MAP6: variants seen among roughly 807,000 people sequenced by gnomAD.
MAP6 encodes microtubule associated protein 6, also known as microtubule-associated protein 6.
Under a neutral mutation model 42.4 loss-of-function variants are expected in MAP6, and 26 were observed. That is an observed-to-expected ratio of 0.61 (90% confidence interval 0.45 to 0.85). The LOEUF (loss-of-function observed/expected upper bound fraction) is 0.85. Among genes scored for constraint, MAP6 ranks in the 40% least tolerant of loss-of-function variants. MAP6 has a pLI of 0.00. For missense variants in MAP6, 966 were observed against 1,099.0 expected, an observed-to-expected ratio of 0.88 and a Z score of 1.71; for synonymous variants, 418 against 443.8, an observed-to-expected ratio of 0.94 and a Z score of 0.73.
chr11:75,594,797 T>A (rs1942548340), intron 3 of MAP6: 1 of 152,194 alleles, frequency 6.6e-6, no homozygotes, highest in Admixed American at 6.5e-5. Flanking sequence ...CAGAAGTGAA[T>A]GAGAGCCAAG....
At position 75,667,945 on chromosome 11, in the gene MAP6, T is replaced by C; in HGVS notation, c.425A>G (p.Glu142Gly). ...RPEPSCRPRS[E>G]YQPSDAPFER... The stretch of plus-strand genomic sequence containing the variant: ...GAAGGGAGCGTCGGAGGGCTGGTAT[T>C]CGCTGCGCGGCCGGCAGCTGGGCTC... Residue 142 changes from glutamate (E) to glycine (G), a missense_variant, in exon 1 of 4, where the codon GAA (glutamate) becomes GGA (glycine). By Grantham distance (98) the Glu-to-Gly change is moderately conservative. This residue lies in a region of MAP6 where 943 missense variants were observed against 1,049.9 expected (regional missense o/e 0.90). Transcript: ENST00000304771. The surrounding 1 kb of genome is among the most constrained non-coding windows in gnomAD (Gnocchi z 5.6). The C allele has an allele frequency of 7.4e-7, 1 of 1,350,102 alleles. No individual in the cohort carries two copies. Among genetic ancestry groups the C allele is most frequent in the Non-Finnish European group, 9.6e-7 (1 of 1,044,828 alleles). 83.6% of individuals were successfully genotyped at this position (1,350,102 alleles called of 1,614,324 possible).
Position 75,668,329 on chromosome 11 carries a change from C to G in MAP6, c.41G>C (p.Arg14Pro), listed in dbSNP as rs1944002507. The G allele has an allele frequency of 1.9e-6, 3 of 1,577,962 alleles. No homozygotes were observed. Among genetic ancestry groups the G allele is most frequent in the Non-Finnish European group, 2.6e-6 (3 of 1,169,678 alleles). ...PCITRACCIA[R>P]FWNQLDKADI... Reference sequence around the variant, plus strand: ...CGCTTTGTCCAACTGGTTCCAGAAGCGGGCGATGCAGCAGGCCCTCGTGAT... The same window carrying G: ...CGCTTTGTCCAACTGGTTCCAGAAGGGGGCGATGCAGCAGGCCCTCGTGAT... The change falls in exon 1 of 4, where the codon CGC becomes CCC. Residue 14 changes from arginine (R) to proline (P), a missense_variant. By Grantham distance (103) the Arg-to-Pro change is moderately radical. Transcript: ENST00000304771.
At chr11:75,643,107 A>G (rs1943501022) in intron 1 of MAP6, among the ~76,000 whole-genome samples, 2 of 152,150 alleles carry the variant, frequency 1.3e-5, no homozygotes. Flanking sequence ...GACATAATGT[A>G]GTAATAGGTA....
In MAP6 at chr11:75,639,805, G is replaced by C. The variant is rs367888187; in HGVS notation, c.905+27660C>G. ...GGAGAGAGAGACAGACACACACACA[G>C]AGAGATTACTGTTCAGATTGTCTAA... is the stretch of plus-strand genomic sequence containing the variant. On this transcript the variant is annotated intron_variant, in intron 1 of 3. Coordinates refer to ENST00000304771, the MANE Select transcript of MAP6 (RefSeq NM_033063.2). Among the ~76,000 whole-genome samples, 90 of 152,310 alleles carry C rather than the reference G, an allele frequency of 5.9e-4. 1 individual carries two copies. In the East Asian group the frequency reaches 0.015, roughly 25 times the overall value.
At position 75,587,248 on chromosome 11, in the gene MAP6, A is replaced by G. The variant is rs1349431498; in HGVS notation, c.2253T>C (p.Pro751=). The change falls in exon 4 of 4, where the codon CCT becomes CCC. Residue 751 remains proline, a synonymous_variant. Transcript: ENST00000304771. ...IVPEPLKNQV[P]IVPVPLKDQD... ...GATCCTTCAGAGGCACTGGGACTAT[A>G]GGAACTTGATTCTTCAGAGGTTCAG... The G allele has an allele frequency of 6.2e-7, 1 of 1,613,952 alleles. No homozygotes were observed. The highest frequency in any genetic ancestry group is 1.3e-5 in the African/African-American group (1 of 74,884).
chr11:75,601,295 C>T (rs1942659861), intron 3 of MAP6, among the ~76,000 whole-genome samples: 1 of 152,176 alleles, frequency 6.6e-6, no homozygotes, highest in South Asian at 2.1e-4. Context: ...CTCTACTTCT[C>T]GCCTGTCTTT....
chr11:75,660,592 C>T (rs1007700240), intron 1 of MAP6, among the ~76,000 whole-genome samples: 4 of 152,164 alleles, frequency 2.6e-5, no homozygotes, highest in African/African-American at 9.7e-5. Context: ...TTATAAATCT[C>T]CAATCTCACA....
intron 1 of MAP6, among the ~76,000 whole-genome samples, chr11:75,608,608 G>C (rs1368092395): frequency 6.6e-6 from 1 of 152,152 alleles, no homozygotes; most frequent in Non-Finnish European, 1.5e-5. Flanking sequence ...AATCTTCAGG[G>C]CTCTTTTTCC....
intron 1 of MAP6, among the ~76,000 whole-genome samples, chr11:75,643,872 C>G (rs1382174284): frequency 6.6e-6 from 1 of 152,114 alleles, no homozygotes; most frequent in Non-Finnish European, 1.5e-5. Context: ...GATTAGAACC[C>G]AGGTAGTCCA....
intron 3 of MAP6, 88 bp downstream of exon 3, chr11:75,605,720 G>C (rs1942751137): frequency 1.7e-5 from 26 of 1,560,774 alleles, no homozygotes; most frequent in Non-Finnish European, 2.2e-5. Flanking sequence ...TTAATTTTGT[G>C]GCCTTTTTTG....
chr11:75,597,704 G>C (rs978256069), intron 3 of MAP6, among the ~76,000 whole-genome samples: 1 of 152,224 alleles, frequency 6.6e-6, no homozygotes, highest in South Asian at 2.1e-4. Flanking sequence ...TGCATCCAGA[G>C]GGGATCACTC....
chr11:75,602,648 C>T (rs546781897), intron 3 of MAP6, among the ~76,000 whole-genome samples: 113 of 152,276 alleles, frequency 7.4e-4, no homozygotes, highest in African/African-American at 2.6e-3. Context: ...TTGGCCAGTG[C>T]GTCTCCCGGT....
intron 3 of MAP6, chr11:75,602,867 C>T (rs748843536): frequency 2.4e-4 from 233 of 985,390 alleles, no homozygotes; most frequent in Non-Finnish European, 2.7e-4. Context: ...AAGTGGTGTT[C>T]GTCTTTAGCA....
intron 1 of MAP6, among the ~76,000 whole-genome samples, chr11:75,618,199 C>T (rs1029635050): frequency 6.6e-6 from 1 of 151,106 alleles, no homozygotes; most frequent in Admixed American, 6.6e-5. Flanking sequence ...TCTTGAGAAC[C>T]ATGCTAATTT....
chr11:75,646,138 A>C (rs1943549548), intron 1 of MAP6, among the ~76,000 whole-genome samples: 1 of 152,130 alleles, frequency 6.6e-6, no homozygotes, highest in Non-Finnish European at 1.5e-5. Flanking sequence ...GAAATCTTAA[A>C]ACAAAGAGGA....
Position 75,668,232 on chromosome 11 carries a change from T to C in MAP6, c.138A>G (p.Pro46=), listed in dbSNP as rs1284356695. ...ATEHPGAPPQ[P]PPPQQQAQPA... is the part of the protein sequence containing the mutation. ...GCTGCGCCTGCTGCTGCGGCGGCGG[T>C]GGCTGCGGCGGGGCGCCCGGGTGCT... The change falls in exon 1 of 4, where the codon CCA becomes CCG. Residue 46 remains proline (P), a synonymous_variant. Coordinates refer to ENST00000304771, the MANE Select transcript of MAP6 (RefSeq NM_033063.2). The C allele has an allele frequency of 1.4e-6, 2 of 1,403,282 alleles. No homozygotes were observed. Among genetic ancestry groups the C allele is most frequent in the Non-Finnish European group, 1.8e-6 (2 of 1,081,388 alleles). The allele number at this position is 1,403,282 out of a possible 1,614,324, so 86.9% of individuals were successfully genotyped here.
At chr11:75,610,531 G>C (rs539286551) in intron 1 of MAP6, among the ~76,000 whole-genome samples, 1 of 152,394 alleles carries the variant, frequency 6.6e-6, no homozygotes, top group South Asian at 2.1e-4. Context: ...AAGGGCATAA[G>C]AGGCTAGACA....
At position 75,635,722 on chromosome 11, in the gene MAP6, T is replaced by C. The variant is rs76156326; in HGVS notation, c.906-27400A>G. ...TTCGTGAGCCATATCAGAACATCTG[T>C]AATGTTAGCCTCCCCATGCAGCTGG... On this transcript the variant is annotated intron_variant, in intron 1 of 3. Transcript: ENST00000304771. Among the ~76,000 whole-genome samples, 49 of 152,324 alleles carry C rather than the reference T, an allele frequency of 3.2e-4. No homozygotes were observed. In the East Asian group the frequency reaches 7.5e-3, roughly 23 times the overall value.
intron 1 of MAP6, among the ~76,000 whole-genome samples, chr11:75,655,106 T>A (rs950047922): frequency 1.3e-5 from 2 of 152,244 alleles, no homozygotes; most frequent in Non-Finnish European, 2.9e-5. Flanking sequence ...ACAGGGGTCA[T>A]GTGCTCTTCA....
Sources: gnomAD v4.1 joint callset for allele counts (sites outside exome capture counted in the v4.1 genomes callset) on GRCh38, gnomAD v4.1.1 for gene constraint, gnomAD v4.1.1 regional missense constraint, Gnocchi (gnomAD v3.1) non-coding constraint, MANE v1.5 for transcripts, NCBI Gene and HGNC (gene_info 2026-07-23, HGNC 2026-07-21) for gene names.